ACO1: variants seen among roughly 807,000 people sequenced by gnomAD.
ACO1 encodes the protein cytoplasmic aconitate hydratase.
In ACO1, 78 loss-of-function variants were observed where a neutral mutation model predicts 105.1. The observed-to-expected ratio is 0.74, with a 90% CI of 0.62 to 0.90. The LOEUF (loss-of-function observed/expected upper bound fraction) is 0.90, where lower values mean the gene tolerates loss of function less well. Among genes scored for constraint, ACO1 ranks in the 40% least tolerant of loss-of-function variants. The pLI is 0.00. For synonymous variants in ACO1, 364 were observed against 397.4 expected, an observed-to-expected ratio of 0.92 and a Z score of 1.00; for missense variants, 965 against 1,111.1, an observed-to-expected ratio of 0.87 and a Z score of 1.87.
In ACO1 at chr9:32,450,742, A is replaced by ATCTT. The variant is rs2118595846; in HGVS notation, c.*633_*636dup. 6.6e-6 allele frequency: 1 copy of ATCTT among 152,008 alleles called. No homozygotes were observed. The highest frequency in any genetic ancestry group is 1.9e-4 in the East Asian group (1 of 5,158). The allele number at this position is 152,008 out of a possible 1,614,324, so 9.4% of individuals were successfully genotyped here. A position where few individuals can be genotyped will look rare whatever the true frequency, so the allele number is the denominator to read the frequency against. ...AAGAAATGTGAAGTTTTCTTTTACT[A>ATCTT]TCTTTTCATTTATCAAGCAGAGACC... On this transcript the variant is annotated 3_prime_UTR_variant, in exon 21 of 21. Transcript: ENST00000309951.
In ACO1 at chr9:32,449,055, A is replaced by C. The variant is rs1280270807; in HGVS notation, c.2530A>C (p.Lys844Gln). ...CACTATCATTATTCCAGAAAACCTC[A>C]AACCACAAATGAAAGTCCAGGTCAA... Reference protein sequence around the residue: ...RYTIIIPENLKPQMKVQVKLD... With the variant: ...RYTIIIPENLQPQMKVQVKLD... The change falls in exon 20 of 21, where the codon AAA becomes CAA. Residue 844 changes from lysine (K) to glutamine (Q), a missense_variant. Coordinates refer to ENST00000309951, the MANE Select transcript of ACO1 (RefSeq NM_002197.3). 2 of 1,609,232 alleles carry C rather than the reference A, an allele frequency of 1.2e-6. No individual in the cohort carries two copies. The highest frequency in any genetic ancestry group is 1.7e-5 in the Admixed American group (1 of 59,678).
chr9:32,437,106 G>C (rs557285777), intron 18 of ACO1, among the ~76,000 whole-genome samples: 1 of 152,064 alleles, frequency 6.6e-6, no homozygotes, highest in Non-Finnish European at 1.5e-5. Flanking sequence ...TAACCCTGCC[G>C]ACTTATTTTA....
intron 12 of ACO1, among the ~76,000 whole-genome samples, chr9:32,428,976 A>G (rs935478050): frequency 6.6e-6 from 1 of 152,222 alleles, no homozygotes; most frequent in Non-Finnish European, 1.5e-5. Flanking sequence ...CCACATATAC[A>G]TTTGGGTATA....
At chr9:32,393,139 C>T (rs915058047) in intron 1 of ACO1, among the ~76,000 whole-genome samples, 3 of 152,182 alleles carry the variant, frequency 2.0e-5, no homozygotes, top group Admixed American at 6.5e-5. Context: ...AGAGAGATAA[C>T]CTTAAACTCT....
At position 32,423,388 on chromosome 9, in the gene ACO1, A is replaced by T. The variant is rs552340071; in HGVS notation, c.1040A>T (p.Asn347Ile). The T allele has an allele frequency of 1.2e-6, 2 of 1,601,856 alleles. No individual in the cohort carries two copies. The highest frequency in any genetic ancestry group is 1.3e-5 in the African/African-American group (1 of 74,166). Residue 347 changes from asparagine (N) to isoleucine (I), a missense_variant, in exon 9 of 21, where the codon AAT becomes ATT. Physicochemically the swap from Asn to Ile is moderately radical, Grantham distance 149. Transcript: ENST00000309951. ...GCTGTAGGAATGTTTCGAGATTTCA[A>T]TGACCCTTCTCAAGACCCAGACTTC... ...LQAVGMFRDF[N>I]DPSQDPDFTQ... is the part of the protein sequence containing the mutation.
intron 19 of ACO1, among the ~76,000 whole-genome samples, chr9:32,446,872 C>T (rs988229863): frequency 6.6e-6 from 1 of 152,070 alleles, no homozygotes. Context: ...ATGAAATTTT[C>T]GGTTGAAAAT....
intron 1 of ACO1, among the ~76,000 whole-genome samples, chr9:32,398,733 A>G (rs1433497404): frequency 6.6e-6 from 1 of 151,982 alleles, no homozygotes. Flanking sequence ...AGCTGGGACT[A>G]CAGGTGTGGG....
rs1190069816 is a variant in ACO1 at position 32,439,508 on chromosome 9, T to C, written c.2248-957T>C. Among the ~76,000 whole-genome samples the C allele has an allele frequency of 6.6e-6, 1 of 152,216 alleles. No individual in the cohort carries two copies. Among genetic ancestry groups the C allele is most frequent in the African/African-American group, 2.4e-5 (1 of 41,456 alleles). ...TAGCCTGGAAAAATAATGGTACTGC[T>C]CAACCACCAGAGATGATATCATGTC... On this transcript the variant is annotated intron_variant, in intron 18 of 20. Coordinates refer to ENST00000309951, the MANE Select transcript of ACO1 (RefSeq NM_002197.3). This position sits in a 1 kb window ranked among gnomAD's most constrained non-coding sequence, Gnocchi z 4.0.
At chr9:32,394,404 G>A (rs912397837) in intron 1 of ACO1, among the ~76,000 whole-genome samples, 4 of 152,200 alleles carry the variant, frequency 2.6e-5, no homozygotes, top group African/African-American at 9.7e-5. Flanking sequence ...GAAGGAGGAT[G>A]GGGACTTTAT....
chr9:32,425,021 C>T (rs1203395646), intron 10 of ACO1, among the ~76,000 whole-genome samples: 1 of 152,260 alleles, frequency 6.6e-6, no homozygotes, highest in Non-Finnish European at 1.5e-5. Flanking sequence ...CTCCATAAGA[C>T]TTGGTTCAGA....
At chr9:32,414,622 A>G (rs1182790180) in intron 4 of ACO1, among the ~76,000 whole-genome samples, 1 of 152,152 alleles carries the variant, frequency 6.6e-6, no homozygotes, top group Admixed American at 6.5e-5. Context: ...TCCTCCGTCA[A>G]TCATCAGTCA....
chr9:32,426,043 T>C, intron 11 of ACO1, 46 bp downstream of exon 11: 1 of 1,591,332 alleles, frequency 6.3e-7, no homozygotes, highest in East Asian at 2.3e-5. Context: ...TGTGTGTAGG[T>C]GGAAATAGCC....
Position 32,405,555 on chromosome 9 carries a change from C to A in ACO1, c.49C>A (p.Pro17Thr). Residue 17 changes from proline (P) to threonine (T), a missense_variant, in exon 2 of 21, where the codon CCA becomes ACA. Pro to Thr is a conservative substitution (Grantham distance 38, BLOSUM62 -1). Transcript: ENST00000309951. ...TGCTGAGCCATTGGATCCTGTACAA[C>A]CAGGAAAGAAATTCTTCAATTTGAA... ...HLAEPLDPVQ[P>T]GKKFFNLNKL... 1 of 1,613,870 alleles carries A rather than the reference C, an allele frequency of 6.2e-7. No individual in the cohort carries two copies. Among genetic ancestry groups the A allele is most frequent in the Non-Finnish European group, 8.5e-7 (1 of 1,179,924 alleles).
chr9:32,429,600 G>A, intron 13 of ACO1, 97 bp downstream of exon 13: 1 of 1,071,664 alleles, frequency 9.3e-7, no homozygotes, highest in Non-Finnish European at 1.4e-6. Flanking sequence ...CATGGAAGCA[G>A]GGGATGTGGT....
chr9:32,407,180 A>C, intron 2 of ACO1, 81 bp from the exon 3 acceptor site: 1 of 1,340,064 alleles, frequency 7.5e-7, no homozygotes, highest in Non-Finnish European at 1.0e-6. Flanking sequence ...CCTCATATCA[A>C]CTTTATATAG....
intron 7 of ACO1, among the ~76,000 whole-genome samples, chr9:32,419,468 C>G (rs1821923697): frequency 6.6e-6 from 1 of 152,198 alleles, no homozygotes; most frequent in African/African-American, 2.4e-5. Flanking sequence ...ATGCCCACCA[C>G]CTAGATTTAA....
chr9:32,407,229 GTT>G (rs1266053046), intron 2 of ACO1, 30 bp from the exon 3 acceptor site: 9 of 1,609,334 alleles, frequency 5.6e-6, no homozygotes, highest in Non-Finnish European at 7.6e-6. Flanking sequence ...TGTCTCACAG[GTT>G]TTGTTTATTT....
chr9:32,451,936 T>A lies in ACO1; in HGVS notation c.*1825T>A, dbSNP rs1043144260. ...AAAATTAGCCAGGTGTGGTATTGTG[T>A]GCCTGTAATCCCAGCTACACAGGAG... On this transcript the variant is annotated 3_prime_UTR_variant, in exon 21 of 21. Coordinates refer to ENST00000309951, the MANE Select transcript of ACO1 (RefSeq NM_002197.3). The A allele has an allele frequency of 2.0e-5, 3 of 152,052 alleles. No individual in the cohort carries two copies. The highest frequency in any genetic ancestry group is 4.4e-5 in the Non-Finnish European group (3 of 68,044). The allele number at this position is 152,052 out of a possible 1,614,324, so 9.4% of individuals were successfully genotyped here.
chr9:32,437,704 G>T (rs923845363), intron 18 of ACO1, among the ~76,000 whole-genome samples: 17 of 152,148 alleles, frequency 1.1e-4, no homozygotes, highest in African/African-American at 3.4e-4. Flanking sequence ...ACAGGGTGAT[G>T]GGGAGTGCAA....
Sources: allele counts gnomAD v4.1 joint callset (sites outside exome capture counted in the v4.1 genomes callset), GRCh38; gene constraint gnomAD v4.1.1; non-coding constraint Gnocchi (gnomAD v3.1); transcripts MANE v1.5; gene names NCBI Gene and HGNC (gene_info 2026-07-23, HGNC 2026-07-21).